The following SCML2 variants were observed in gnomAD, a reference collection of about 807,000 sequenced individuals.
The protein encoded by SCML2 is sex comb on midleg-like protein 2.
A neutral mutation model predicts 48.4 loss-of-function variants in SCML2; 6 were observed. That is an observed-to-expected ratio of 0.12 (90% CI 0.07 to 0.24). The LOEUF (loss-of-function observed/expected upper bound fraction) is 0.24. Ranked by LOEUF, SCML2 falls within the 10% of genes least tolerant of loss-of-function variation. The probability of loss-of-function intolerance (pLI) is 1.00; values close to 1 mark genes in which losing one functional copy is unlikely to be tolerated. For missense variants in SCML2, 377 were observed against 528.2 expected (o/e 0.71, Z 2.81); for synonymous variants, 181 against 189.5 (o/e 0.95, Z 0.37).
At position 18,311,873 on chromosome X, in the gene SCML2, C is replaced by A. The variant is rs528893616; in HGVS notation, c.487-6658G>T. Among the ~76,000 whole-genome samples the A allele has an allele frequency of 1.8e-4, 20 of 111,973 alleles. 1 individual carries two copies. The South Asian group carries it at 7.5e-3, about 42-fold the overall frequency. ...TGTCGCAATCTCAGCTCACTGCAAT[C>A]CCTGCTTCCCGGGTTCAAGCAATTC... On this transcript the variant is annotated intron_variant, in intron 6 of 14. Coordinates refer to ENST00000251900, the MANE Select transcript of SCML2 (RefSeq NM_006089.3).
chrX:18,292,553 C>A (rs1362507663), intron 7 of SCML2, among the ~76,000 whole-genome samples: 1 of 110,843 alleles, frequency 9.0e-6, no homozygotes, highest in African/African-American at 3.3e-5. Flanking sequence ...AGAATATACA[C>A]AATAACCCCT....
intron 7 of SCML2, among the ~76,000 whole-genome samples, chrX:18,273,858 G>A (rs1305328738): frequency 3.6e-5 from 4 of 110,627 alleles, no homozygotes; most frequent in African/African-American, 1.3e-4. Context: ...AGAGACTATG[G>A]TTGGACATCA....
chrX:18,258,635 C>CA, intron 9 of SCML2, among the ~76,000 whole-genome samples: 1 of 111,168 alleles, frequency 9.0e-6, no homozygotes, highest in Middle Eastern at 4.7e-3. Context: ...AATTTCCTTT[C>CA]AAAACGGGTC....
chrX:18,326,818 A>T (rs897441335), intron 3 of SCML2, among the ~76,000 whole-genome samples: 1 of 111,454 alleles, frequency 9.0e-6, no homozygotes, highest in African/African-American at 3.3e-5. Context: ...ATAAAACGGG[A>T]AAAGTAATGT....
At chrX:18,347,492 C>T (rs758431323) in intron 1 of SCML2, among the ~76,000 whole-genome samples, 4 of 106,958 alleles carry the variant, frequency 3.7e-5, no homozygotes, top group Admixed American at 3.0e-4. Context: ...GGGCTCATGC[C>T]TGTAATCCCC....
chrX:18,326,438 GGAGGCT>G (rs1323157679), intron 3 of SCML2, among the ~76,000 whole-genome samples: 1 of 110,078 alleles, frequency 9.1e-6, no homozygotes, highest in Non-Finnish European at 1.9e-5. Flanking sequence ...CAGCACTTTG[GGAGGCT>G]GAGGTGAACA....
chrX:18,243,856 T>C (rs1926352140), intron 13 of SCML2, among the ~76,000 whole-genome samples: 1 of 111,961 alleles, frequency 8.9e-6, no homozygotes, highest in Non-Finnish European at 1.9e-5. Context: ...TGTACTTAGC[T>C]AGGAAGATTT....
intron 8 of SCML2, 151 bp downstream of exon 8, chrX:18,265,434 G>C: frequency 2.2e-6 from 1 of 457,889 alleles, no homozygotes; most frequent in Non-Finnish European, 3.7e-6. Context: ...ACAATCTATC[G>C]ATAGTTATGT....
At chrX:18,254,314 A>G (rs1953400158) in intron 11 of SCML2, among the ~76,000 whole-genome samples, 1 of 112,152 alleles carries the variant, frequency 8.9e-6, no homozygotes, top group African/African-American at 3.2e-5. Context: ...AATCTTAGTA[A>G]TAACCTCATA....
chrX:18,249,994 A>G (rs1291114061), intron 11 of SCML2, among the ~76,000 whole-genome samples: 1 of 111,476 alleles, frequency 9.0e-6, no homozygotes, highest in African/African-American at 3.3e-5. Flanking sequence ...GACTTTACAG[A>G]ATTAGTCGAG....
intron 11 of SCML2, among the ~76,000 whole-genome samples, chrX:18,256,564 T>C (rs964704907): frequency 1.8e-5 from 2 of 112,127 alleles, no homozygotes; most frequent in Non-Finnish European, 3.8e-5. Flanking sequence ...ATTATAAAAG[T>C]CAGTAACTTT....
intron 7 of SCML2, among the ~76,000 whole-genome samples, chrX:18,300,137 C>T (rs543999300): frequency 6.3e-5 from 7 of 111,341 alleles, no homozygotes; most frequent in African/African-American, 2.3e-4. Flanking sequence ...TGGTGGCTCA[C>T]GCTTGTAATC....
intron 7 of SCML2, among the ~76,000 whole-genome samples, chrX:18,291,993 A>G (rs777591732): frequency 2.7e-5 from 3 of 111,685 alleles, no homozygotes; most frequent in African/African-American, 9.7e-5. Context: ...TAAATGAAGC[A>G]CTCAAATCAA....
chrX:18,247,707 A>T, intron 12 of SCML2, 62 bp downstream of exon 12: 1 of 874,294 alleles, frequency 1.1e-6, no homozygotes, highest in Non-Finnish European at 1.7e-6. Flanking sequence ...CCCCAAGAGT[A>T]TACATAAGTG....
intron 1 of SCML2, among the ~76,000 whole-genome samples, chrX:18,338,335 T>C (rs964544085): frequency 2.0e-4 from 21 of 107,689 alleles, no homozygotes; most frequent in South Asian, 8.2e-4. Context: ...TCCCAGGTAC[T>C]CGGGAGGCTG....
intron 7 of SCML2, among the ~76,000 whole-genome samples, chrX:18,293,366 T>C (rs1928295204): frequency 9.0e-6 from 1 of 111,363 alleles, no homozygotes; most frequent in Non-Finnish European, 1.9e-5. Context: ...ACACATGCAT[T>C]ATCTTTGGGT....
chrX:18,312,978 C>CGT (rs72406000), intron 6 of SCML2, among the ~76,000 whole-genome samples: 2,889 of 94,943 alleles, frequency 0.03, 60 homozygotes, highest in Admixed American at 0.058. Context: ...AATGGGTGTG[C>CGT]GTGTGTGTGT....
chrX:18,344,084 G>T (rs922588670), intron 1 of SCML2, among the ~76,000 whole-genome samples: 1 of 108,979 alleles, frequency 9.2e-6, no homozygotes, highest in Non-Finnish European at 1.9e-5. Flanking sequence ...CCGTAATGCC[G>T]GCACTTTGGG....
intron 7 of SCML2, among the ~76,000 whole-genome samples, chrX:18,280,741 T>TA (rs1427142357): frequency 1.8e-5 from 2 of 110,788 alleles, no homozygotes; most frequent in Non-Finnish European, 3.8e-5. Flanking sequence ...TTTAAACCAA[T>TA]AAAAAATAAG....
Sources: allele counts gnomAD v4.1 joint callset (sites outside exome capture counted in the v4.1 genomes callset), GRCh38; gene constraint gnomAD v4.1.1; transcripts MANE v1.5; gene names NCBI Gene and HGNC (gene_info 2026-07-23, HGNC 2026-07-21).